Variants in LURAP1L observed in about 807,000 individuals in gnomAD.
LURAP1L encodes the protein leucine rich adaptor protein 1-like.
A neutral mutation model predicts 13.8 loss-of-function variants in LURAP1L; 12 were observed. The observed-to-expected ratio is 0.87, with a 90% confidence interval of 0.56 to 1.41. The LOEUF is 1.41. Ranked by LOEUF, LURAP1L falls within the 40% of genes most tolerant of loss-of-function variation. The pLI, the probability that LURAP1L is intolerant of heterozygous loss-of-function variation, is 0.00. For synonymous variants in LURAP1L, 139 were observed against 119.2 expected (o/e 1.17, Z -1.08); for missense variants, 375 against 292.9 (o/e 1.28, Z -2.04).
chr9:12,800,930 C>A (rs942115634), intron 1 of LURAP1L, among the ~76,000 whole-genome samples: 1 of 152,146 alleles, frequency 6.6e-6, no homozygotes, highest in Non-Finnish European at 1.5e-5. Context: ...TCAAGTGCTT[C>A]TGTTTAGGAT....
intron 1 of LURAP1L, chr9:12,777,364 G>C: frequency 2.0e-6 from 2 of 985,316 alleles, no homozygotes; most frequent in South Asian, 4.7e-5. Context: ...TCAGACATAC[G>C]TGTGGAGACT....
At chr9:12,778,932 C>G (rs1420658617) in intron 1 of LURAP1L, among the ~76,000 whole-genome samples, 1 of 152,106 alleles carries the variant, frequency 6.6e-6, no homozygotes, top group African/African-American at 2.4e-5. Context: ...TGGATAGTAC[C>G]AAAGCCTATA....
chr9:12,777,478 G>A (rs1480141483), intron 1 of LURAP1L: 8 of 985,110 alleles, frequency 8.1e-6, no homozygotes, highest in African/African-American at 1.7e-5. Context: ...AAGACATCAA[G>A]GAGATGAGGA....
intron 1 of LURAP1L, among the ~76,000 whole-genome samples, chr9:12,787,832 G>C (rs1442031702): frequency 6.6e-6 from 1 of 152,070 alleles, no homozygotes; most frequent in African/African-American, 2.4e-5. Flanking sequence ...AGAAAGCTCA[G>C]CCAGACGCAG....
At chr9:12,810,130 T>C (rs1040007690) in intron 1 of LURAP1L, among the ~76,000 whole-genome samples, 7 of 152,198 alleles carry the variant, frequency 4.6e-5, no homozygotes, top group African/African-American at 1.7e-4. Context: ...GGTCTGGATG[T>C]ATTTCAGAGC....
At position 12,776,009 on chromosome 9, in the gene LURAP1L, C is replaced by T. The variant is rs1320652124; in HGVS notation, c.294C>T (p.His98=). 1 of 1,612,220 alleles carries T rather than the reference C, an allele frequency of 6.2e-7. No homozygotes were observed. Among genetic ancestry groups the T allele is most frequent in the Admixed American group, 1.7e-5 (1 of 59,856 alleles). The change falls in exon 1 of 2, where the codon CAC becomes CAT. Residue 98 remains histidine, a synonymous_variant. Transcript: ENST00000319264. The part of the protein sequence containing the change: ...SALERLETKL[H]LLRQEMVNLR... ...TGGAGAGGCTAGAAACCAAGCTTCA[C>T]CTCCTCAGGCAAGAGATGGTGAGTG...
chr9:12,775,788 G>C lies in LURAP1L; in HGVS notation c.73G>C (p.Val25Leu). The C allele has an allele frequency of 1.9e-6, 3 of 1,610,670 alleles. No individual in the cohort carries two copies. Among genetic ancestry groups the C allele is most frequent in the Non-Finnish European group, 2.5e-6 (3 of 1,179,006 alleles). Residue 25 changes from valine to leucine, a missense_variant, in exon 1 of 2, where the codon GTG (valine) becomes CTG (leucine). By Grantham distance (32) the Val-to-Leu change is conservative. Transcript: ENST00000319264. ...KLGRKVPESL[V>L]RSLRGEEPVP... ...GGGGCGCAAAGTACCCGAGAGTCTA[G>C]TGCGCTCTCTCCGTGGGGAGGAGCC...
At chr9:12,777,387 T>A in intron 1 of LURAP1L, 1 of 985,318 alleles carries the variant, frequency 1.0e-6, no homozygotes, top group Non-Finnish European at 1.2e-6. Flanking sequence ...CAGGTAAAAC[T>A]ATTTTCCACA....
chr9:12,817,183 G>A (rs1391387949), intron 1 of LURAP1L, among the ~76,000 whole-genome samples: 3 of 151,690 alleles, frequency 2.0e-5, no homozygotes, highest in Non-Finnish European at 2.9e-5. Context: ...TGCTGGGAAC[G>A]CTTCAATATT....
intron 1 of LURAP1L, among the ~76,000 whole-genome samples, chr9:12,807,160 G>C (rs1265364324): frequency 7.0e-6 from 1 of 141,996 alleles, no homozygotes; most frequent in Non-Finnish European, 1.5e-5. Context: ...CCAGCTACTC[G>C]GGAGCTGAAG....
At chr9:12,779,670 G>A (rs1451879173) in intron 1 of LURAP1L, among the ~76,000 whole-genome samples, 1 of 152,142 alleles carries the variant, frequency 6.6e-6, no homozygotes, top group African/African-American at 2.4e-5. Flanking sequence ...AAGTGGAGGA[G>A]CCAGGATGAG....
At chr9:12,782,050 A>C (rs944127425) in intron 1 of LURAP1L, among the ~76,000 whole-genome samples, 4 of 152,082 alleles carry the variant, frequency 2.6e-5, no homozygotes, top group Non-Finnish European at 5.9e-5. Flanking sequence ...TGTCATTTGG[A>C]TGTCTTTTGA....
chr9:12,814,871 G>A (rs1384183751), intron 1 of LURAP1L, among the ~76,000 whole-genome samples: 1 of 152,186 alleles, frequency 6.6e-6, no homozygotes, highest in Admixed American at 6.5e-5. Flanking sequence ...AAAAATGGAG[G>A]AAGACAAAGC....
intron 1 of LURAP1L, among the ~76,000 whole-genome samples, chr9:12,818,799 A>T (rs764303298): frequency 6.6e-6 from 1 of 152,180 alleles, no homozygotes; most frequent in Non-Finnish European, 1.5e-5. Context: ...ATGTGAATAA[A>T]TGCAGCCGTG....
chr9:12,799,294 A>G (rs1375613523), intron 1 of LURAP1L, among the ~76,000 whole-genome samples: 1 of 152,190 alleles, frequency 6.6e-6, no homozygotes, highest in Non-Finnish European at 1.5e-5. Context: ...TCTTTAGGGT[A>G]TATTTTCACT....
At chr9:12,785,160 C>T (rs553498537) in intron 1 of LURAP1L, among the ~76,000 whole-genome samples, 18 of 152,202 alleles carry the variant, frequency 1.2e-4, no homozygotes, top group East Asian at 1.2e-3. Context: ...GTCTGTTGTC[C>T]GGGAGCTAGG....
At chr9:12,781,224 G>A (rs1476649296) in intron 1 of LURAP1L, among the ~76,000 whole-genome samples, 1 of 152,156 alleles carries the variant, frequency 6.6e-6, no homozygotes, top group Non-Finnish European at 1.5e-5. Context: ...GCCTGCCTCG[G>A]CCTCCTAAAG....
chr9:12,791,959 G>A (rs552159760), intron 1 of LURAP1L, among the ~76,000 whole-genome samples: 3 of 152,198 alleles, frequency 2.0e-5, no homozygotes, highest in Admixed American at 6.6e-5. Flanking sequence ...TCTGCAAGTG[G>A]TCACCTCCCT....
At position 12,775,512 on chromosome 9, in the gene LURAP1L, A is replaced by C. The variant is rs1819156287; in HGVS notation, c.-204A>C. ...TCGGAGGAGTCGCAGCGGACTGGGAACTGCAGCTGCGACCCCCCGCGTCCT... is the reference window on the plus strand; with the variant it reads ...TCGGAGGAGTCGCAGCGGACTGGGACCTGCAGCTGCGACCCCCCGCGTCCT... On this transcript the variant is annotated 5_prime_UTR_variant, in exon 1 of 2. Transcript: ENST00000319264. The C allele has an allele frequency of 2.8e-5, 18 of 645,688 alleles. No homozygotes were observed. Among genetic ancestry groups the C allele is most frequent in the Non-Finnish European group, 2.4e-5 (10 of 415,092 alleles). The allele number at this position is 645,688 out of a possible 1,614,324, so 40.0% of individuals were successfully genotyped here.
Sources: gnomAD v4.1 joint callset for allele counts (sites outside exome capture counted in the v4.1 genomes callset) on GRCh38, gnomAD v4.1.1 for gene constraint, MANE v1.5 for transcripts, NCBI Gene and HGNC (gene_info 2026-07-23, HGNC 2026-07-21) for gene names.